The following TCL1A variants were observed in gnomAD, a reference collection of about 807,000 sequenced individuals.
TCL1A encodes TCL1 family AKT coactivator A.
In TCL1A, 9 loss-of-function variants were observed where a neutral mutation model predicts 16.9. The ratio of observed to expected loss-of-function variants is 0.53; its 90% CI spans 0.32 to 0.93. TCL1A has a LOEUF of 0.93. Ranked by LOEUF, TCL1A falls within the 40% of genes least tolerant of loss-of-function variation. The pLI, the probability that TCL1A is intolerant of heterozygous loss-of-function variation, is 0.04. For synonymous variants in TCL1A, 69 were observed against 63.2 expected, an observed-to-expected ratio of 1.09 and a Z score of -0.44; for missense variants, 139 against 153.0, an observed-to-expected ratio of 0.91 and a Z score of 0.48.
chr14:95,711,664 G>A lies in TCL1A; in HGVS notation c.*6+85C>T, dbSNP rs571055768. 2.7e-6 allele frequency: 4 copies of A among 1,493,444 alleles called. No homozygotes were observed. The South Asian group carries it at 4.8e-5, about 18-fold the overall frequency. 92.5% of individuals were successfully genotyped at this position (1,493,444 alleles called of 1,614,324 possible). ...GATGGCAGCAGTCGGGGAGGGGTTA[G>A]CACTGCCTTCATGGAGAAGGGGTGG... On this transcript the variant is annotated intron_variant, in intron 3 of 3. Transcript: ENST00000402399.
intron 1 of TCL1A, among the ~76,000 whole-genome samples, chr14:95,713,519 A>G (rs554779494): frequency 6.6e-6 from 1 of 152,348 alleles, no homozygotes; most frequent in African/African-American, 2.4e-5. Context: ...TTCACACTCT[A>G]GGCCAGTGTT....
intron 1 of TCL1A, 47 bp from the exon 2 acceptor site, chr14:95,712,443 A>G (rs1330202382): frequency 1.9e-6 from 3 of 1,554,512 alleles, no homozygotes; most frequent in African/African-American, 1.4e-5. Context: ...TCCGCTTGCC[A>G]GGGCTTCTCC....
rs1438449738 is a variant in TCL1A, at chr14:95,712,264, G to A, written c.253C>T (p.Arg85Ter). 3 of 1,614,126 alleles carry A rather than the reference G, an allele frequency of 1.9e-6. No homozygotes were observed. Among genetic ancestry groups the A allele is most frequent in the Non-Finnish European group, 8.5e-7 (1 of 1,180,030 alleles). The change falls in exon 2 of 4, where the codon CGA becomes TGA. Residue 85 changes from arginine (R) to a stop codon, truncating the protein, a stop_gained. Transcript: ENST00000402399. LOFTEE classifies it high-confidence loss of function. ...MWQLYPDGRY[R>*]SSDSSFWRLV... ...CGCCAGAAACTGGAGTCTGAGGATC[G>A]GTATCGTCCATCAGGGTAGAGCTGC... is the stretch of plus-strand genomic sequence containing the variant.
intron 2 of TCL1A, 160 bp from the exon 3 acceptor site, chr14:95,711,962 C>T: frequency 1.0e-6 from 1 of 970,466 alleles, no homozygotes; most frequent in Non-Finnish European, 1.5e-6. Flanking sequence ...CACCAGCCTT[C>T]AGCCTGTGAC....
intron 1 of TCL1A, chr14:95,712,896 A>G (rs1886401730): frequency 8.3e-6 from 2 of 239,850 alleles, no homozygotes; most frequent in Admixed American, 1.0e-4. Flanking sequence ...TGGAGCATGT[A>G]TCATGATTTT....
chr14:95,711,952 C>A, intron 2 of TCL1A, 150 bp from the exon 3 acceptor site: 1 of 1,035,964 alleles, frequency 9.7e-7, no homozygotes, highest in Non-Finnish European at 1.4e-6. Flanking sequence ...CCCCTCCTCC[C>A]ACCAGCCTTC....
Position 95,711,812 on chromosome 14 carries a change from A to G in TCL1A, c.298-10T>C. The G allele has an allele frequency of 8.3e-7, 1 of 1,206,754 alleles. No individual in the cohort carries two copies. Among genetic ancestry groups the G allele is most frequent in the Non-Finnish European group, 1.1e-6 (1 of 903,654 alleles). 74.8% of individuals were successfully genotyped at this position (1,206,754 alleles called of 1,614,324 possible). On this transcript the variant is annotated splice_polypyrimidine_tract_variant and intron_variant, in intron 2 of 3. Transcript: ENST00000402399. ...CCTCCACGCCGTCAATCTGAGAGGC[A>G]GAGAGAGAGAGAAGGCATTGATCGG...
chr14:95,713,327 T>C (rs1595067234), intron 1 of TCL1A, among the ~76,000 whole-genome samples: 2 of 152,342 alleles, frequency 1.3e-5, no homozygotes, highest in East Asian at 1.9e-4. Context: ...TTTCATTGAG[T>C]AAATCCAAAT....
intron 1 of TCL1A, among the ~76,000 whole-genome samples, chr14:95,713,429 G>A (rs952466682): frequency 6.6e-6 from 1 of 152,250 alleles, no homozygotes; most frequent in African/African-American, 2.4e-5. Flanking sequence ...AGTCAATATT[G>A]ATTCAATACC....
At chr14:95,713,814 A>T in intron 1 of TCL1A, 133 bp downstream of exon 1, 1 of 1,394,348 alleles carries the variant, frequency 7.2e-7, no homozygotes. Context: ...AGCCCGGCTC[A>T]AAGTGGCTTC....
At chr14:95,712,026 G>T in intron 2 of TCL1A, 194 bp downstream of exon 2, 1 of 868,366 alleles carries the variant, frequency 1.2e-6, no homozygotes, top group Non-Finnish European at 1.8e-6. Context: ...GGAAGTGGAG[G>T]TAGGGTTCTG....
chr14:95,711,913 G>A, intron 2 of TCL1A, 111 bp from the exon 3 acceptor site: 2 of 1,412,526 alleles, frequency 1.4e-6, no homozygotes, highest in Non-Finnish European at 1.9e-6. Context: ...GAACCCAGGT[G>A]TGAGGATTTC....
chr14:95,713,686 G>C (rs528260515), intron 1 of TCL1A, among the ~76,000 whole-genome samples: 1 of 152,296 alleles, frequency 6.6e-6, no homozygotes, highest in Middle Eastern at 3.4e-3. Flanking sequence ...GAAAATGCCT[G>C]CTGTAGTCAA....
chr14:95,710,797 C>G lies in TCL1A; in HGVS notation c.*91G>C, dbSNP rs757494035. On this transcript the variant is annotated 3_prime_UTR_variant, in exon 4 of 4. Coordinates refer to ENST00000402399, the MANE Select transcript of TCL1A (RefSeq NM_021966.3). ...GTGGAGAAGACACAGGCATAGTAAA[C>G]GAAGGTGAACAGAAACACAACATCC... 6.5e-6 allele frequency: 1 copy of G among 152,858 alleles called. No homozygotes were observed. Among genetic ancestry groups the G allele is most frequent in the Admixed American group, 6.5e-5 (1 of 15,304 alleles). The allele number at this position is 152,858 out of a possible 1,614,324, so 9.5% of individuals were successfully genotyped here. A position where few individuals can be genotyped will look rare whatever the true frequency, so the allele number is the denominator to read the frequency against.
rs1360481605 is a variant in TCL1A, at chr14:95,712,412, G to A, written c.121-16C>T. 1 of 1,585,466 alleles carries A rather than the reference G, an allele frequency of 6.3e-7. No homozygotes were observed. Among genetic ancestry groups the A allele is most frequent in the African/African-American group, 1.3e-5 (1 of 74,210 alleles). On this transcript the variant is annotated splice_polypyrimidine_tract_variant and intron_variant, in intron 1 of 3. Transcript: ENST00000402399. The stretch of plus-strand genomic sequence containing the variant: ...TATCCTTTATCTGAGGAGAAGAAAA[G>A]GACAGGGCATACTTTCAGGTTCCGC...
chr14:95,712,711 G>A, intron 1 of TCL1A: 1 of 1,342,132 alleles, frequency 7.5e-7, no homozygotes, highest in Non-Finnish European at 9.8e-7. Flanking sequence ...GAAGGCAGAG[G>A]CAGGAGGATC....
intron 1 of TCL1A, among the ~76,000 whole-genome samples, chr14:95,713,218 T>G (rs1886420424): frequency 6.6e-6 from 1 of 152,348 alleles, no homozygotes; most frequent in African/African-American, 2.4e-5. Context: ...ACTCAATAAT[T>G]TTTGATTGCT....
At chr14:95,713,657 AT>A (rs1886454400) in intron 1 of TCL1A, among the ~76,000 whole-genome samples, 1 of 152,188 alleles carries the variant, frequency 6.6e-6, no homozygotes, top group African/African-American at 2.4e-5. Flanking sequence ...ATTTTTAAGG[AT>A]TAGGACCCCG....
At position 95,713,995 on chromosome 14, in the gene TCL1A, GA is replaced by G; in HGVS notation, c.71del (p.Phe24SerfsTer14). 6.2e-7 allele frequency: 1 copy of G among 1,614,074 alleles called. No individual in the cohort carries two copies. Among genetic ancestry groups the G allele is most frequent in the Admixed American group, 1.7e-5 (1 of 60,030 alleles). On this transcript the variant is annotated frameshift_variant, in exon 1 of 4. Transcript: ENST00000402399. LOFTEE classifies it high-confidence loss of function. ...HPDRLWAWEK[F>X]VYLDEKQHAW... Reference sequence around the variant, plus strand: ...CGTGCTGCTTCTCGTCCAAATACACGAACTTCTCCCAGGCCCACAGGCGGTC... The same window carrying G: ...CGTGCTGCTTCTCGTCCAAATACACGACTTCTCCCAGGCCCACAGGCGGTC...
Sources: gnomAD v4.1 joint callset for allele counts (sites outside exome capture counted in the v4.1 genomes callset) on GRCh38, gnomAD v4.1.1 for gene constraint, MANE v1.5 for transcripts, NCBI Gene and HGNC (gene_info 2026-07-23, HGNC 2026-07-21) for gene names.